Variants in NAV1 observed in about 807,000 individuals in gnomAD.
NAV1 encodes the protein pore membrane and/or filament interacting like protein 3.
A neutral mutation model predicts 175.2 loss-of-function variants in NAV1; 18 were observed. The observed-to-expected ratio is 0.10, with a 90% confidence interval of 0.07 to 0.15. The LOEUF (loss-of-function observed/expected upper bound fraction) is 0.15. Among genes scored for constraint, NAV1 ranks in the 10% least tolerant of loss-of-function variants. The probability of loss-of-function intolerance (pLI) is 1.00; values close to 1 mark genes in which losing one functional copy is unlikely to be tolerated. For synonymous variants in NAV1, 897 were observed against 978.7 expected (o/e 0.92, Z 1.56); for missense variants, 1,731 against 2,436.6 (o/e 0.71, Z 6.10).
At chr1:201,799,018 G>A (rs1677656775) in intron 15 of NAV1, among the ~76,000 whole-genome samples, 1 of 151,578 alleles carries the variant, frequency 6.6e-6, no homozygotes, top group African/African-American at 2.4e-5. Context: ...CATTTTCTTA[G>A]GTGTGATAAT....
intron 3 of NAV1, among the ~76,000 whole-genome samples, chr1:201,734,485 G>GAAGAAGAAGAAGAAGAAGAA (rs368228077): frequency 6.5e-5 from 2 of 30,830 alleles, no homozygotes; most frequent in Non-Finnish European, 1.6e-4. Flanking sequence ...AGGAGGAGGA[G>GAAGAAGAAGAAGAAGAAGAA]GAAGAAGGAG....
intron 1 of NAV1, among the ~76,000 whole-genome samples, chr1:201,678,465 T>G (rs1670338249): frequency 6.6e-6 from 1 of 152,176 alleles, no homozygotes; most frequent in African/African-American, 2.4e-5. Context: ...ATGAGGGTGT[T>G]GAGGCACAGA....
chr1:201,763,705 G>C (rs936782359), intron 3 of NAV1, among the ~76,000 whole-genome samples: 2 of 152,092 alleles, frequency 1.3e-5, no homozygotes, highest in Admixed American at 1.3e-4. Context: ...AGCTTTAACC[G>C]ACGGCTTGGA....
Position 201,810,877 on chromosome 1 carries a change from T to G in NAV1, c.4797+119T>G. The G allele has an allele frequency of 1.4e-6, 1 of 712,440 alleles. No individual in the cohort carries two copies. The highest frequency in any genetic ancestry group is 2.4e-6 in the Non-Finnish European group (1 of 423,914). 44.1% of individuals were successfully genotyped at this position (712,440 alleles called of 1,614,324 possible). A position where few individuals can be genotyped will look rare whatever the true frequency, so the allele number is the denominator to read the frequency against. ...TTCCTCACCTCTGCCTTCATCTTTC[T>G]TCTCTTCTGTGTTCATTTCCTTCCC... is the stretch of plus-strand genomic sequence containing the variant. On this transcript the variant is annotated intron_variant, in intron 24 of 29. Coordinates refer to ENST00000367296, the Ensembl canonical transcript of NAV1. This position sits in a 1 kb window ranked among gnomAD's most constrained non-coding sequence, Gnocchi z 6.0.
chr1:201,636,318 G>T (rs775222239), intron 2 of NAV1, among the ~76,000 whole-genome samples: 3 of 152,192 alleles, frequency 2.0e-5, no homozygotes, highest in Non-Finnish European at 4.4e-5. Flanking sequence ...CTTTGTAAGA[G>T]GATTAGGGTC....
At chr1:201,708,459 C>T (rs2102460914) in intron 1 of NAV1, among the ~76,000 whole-genome samples, 1 of 151,864 alleles carries the variant, frequency 6.6e-6, no homozygotes, top group East Asian at 1.9e-4. Flanking sequence ...CACACACACA[C>T]ACACATACAC....
chr1:201,734,499 G>GAGAAGAAGGAGAAGAAGAAGA (rs1673018952), intron 3 of NAV1, among the ~76,000 whole-genome samples: 9 of 121,060 alleles, frequency 7.4e-5, no homozygotes, highest in Non-Finnish European at 1.5e-4. Flanking sequence ...GAAGGAGAAG[G>GAGAAGAAGGAGAAGAAGAAGA]AGAAGAAGAA....
At chr1:201,767,142 T>C (rs1395994605) in intron 3 of NAV1, among the ~76,000 whole-genome samples, 1 of 151,364 alleles carries the variant, frequency 6.6e-6, no homozygotes, top group African/African-American at 2.4e-5. Context: ...TTAAATGTTA[T>C]AGTAGAAACA....
chr1:201,669,841 C>T (rs773347372), intron 1 of NAV1, among the ~76,000 whole-genome samples: 8 of 151,996 alleles, frequency 5.3e-5, no homozygotes, highest in Admixed American at 2.6e-4. Flanking sequence ...AGGGATTCCC[C>T]GGGAAAAGAG....
chr1:201,635,164 A>G (rs1405646737), intron 2 of NAV1, among the ~76,000 whole-genome samples: 1 of 150,638 alleles, frequency 6.6e-6, no homozygotes, highest in South Asian at 2.1e-4. Flanking sequence ...TAACCCTCCC[A>G]AGTAGCTGGG....
chr1:201,623,054 G>T (rs1029106014), exon 1 of NAV1: 1 of 985,834 alleles, frequency 1.0e-6, no homozygotes, highest in African/African-American at 1.7e-5. Context: ...GCCTCCCCCA[G>T]ACTGGGAAAG....
At chr1:201,689,984 C>T (rs56409026) in intron 1 of NAV1, among the ~76,000 whole-genome samples, 4,003 of 140,810 alleles carry the variant, frequency 0.028, 65 homozygotes, top group Non-Finnish European at 0.045. Flanking sequence ...CTATTTCCTC[C>T]GTGGCCTGTC....
In NAV1 at chr1:201,788,914, A is replaced by G. The variant is rs1571495269; in HGVS notation, c.3166+276A>G. On this transcript the variant is annotated intron_variant, in intron 10 of 29. Transcript: ENST00000367296. This position sits in a 1 kb window ranked among gnomAD's most constrained non-coding sequence, Gnocchi z 5.7. ...ATGGAAGGGTTAAATGGCATCCCTC[A>G]GGATGCTCTGAAAACCACAGCTTCT... is the stretch of plus-strand genomic sequence containing the variant. Among the ~76,000 whole-genome samples the G allele has an allele frequency of 6.6e-6, 1 of 152,222 alleles. No homozygotes were observed. The highest frequency in any genetic ancestry group is 1.9e-4 in the East Asian group (1 of 5,202).
At chr1:201,649,780 G>T (rs548076385) in intron 1 of NAV1, among the ~76,000 whole-genome samples, 1 of 152,350 alleles carries the variant, frequency 6.6e-6, no homozygotes, top group African/African-American at 2.4e-5. Flanking sequence ...CTCCGTTGTG[G>T]TGTGGCCTGC....
At chr1:201,661,687 G>A (rs1011152982) in intron 1 of NAV1, among the ~76,000 whole-genome samples, 1 of 152,132 alleles carries the variant, frequency 6.6e-6, no homozygotes, top group Non-Finnish European at 1.5e-5. Context: ...TGGTGCAGAG[G>A]CTGGCACATG....
intron 1 of NAV1, among the ~76,000 whole-genome samples, chr1:201,543,820 C>T (rs370624355): frequency 6.6e-6 from 1 of 152,208 alleles, no homozygotes; most frequent in African/African-American, 2.4e-5. Flanking sequence ...TAAAGAGTAA[C>T]TCTCCATTCC....
At chr1:201,825,244 C>G (rs1558209690) in exon 30 of NAV1, 1 of 151,460 alleles carries the variant, frequency 6.6e-6, no homozygotes, top group East Asian at 1.9e-4. Context: ...CAAGGAAAAG[C>G]AGTTGGAGGT....
At chr1:201,629,792 A>G (rs894460887) in intron 2 of NAV1, among the ~76,000 whole-genome samples, 4 of 152,154 alleles carry the variant, frequency 2.6e-5, no homozygotes, top group Admixed American at 6.5e-5. Context: ...CACAAAGGTA[A>G]CAAGCTGGGA....
intron 13 of NAV1, 199 bp downstream of exon 17, chr1:201,790,965 C>T: frequency 8.5e-6 from 5 of 589,878 alleles, no homozygotes; most frequent in Non-Finnish European, 1.5e-5. Flanking sequence ...TATGAAGAAC[C>T]ATTTTGCTTC....
Sources: allele counts gnomAD v4.1 joint callset (sites outside exome capture counted in the v4.1 genomes callset), GRCh38; gene constraint gnomAD v4.1.1; non-coding constraint Gnocchi (gnomAD v3.1); transcripts MANE v1.5; gene names NCBI Gene and HGNC (gene_info 2026-07-23, HGNC 2026-07-21).